The following TSPAN18 variants were observed in gnomAD, a reference collection of about 807,000 sequenced individuals.
The protein encoded by TSPAN18 is tetraspanin 18.
In TSPAN18, 14 loss-of-function variants were observed where a neutral mutation model predicts 27.3. That is an observed-to-expected ratio of 0.51 (90% CI 0.34 to 0.80). The LOEUF (loss-of-function observed/expected upper bound fraction) is 0.80. TSPAN18 is among the 30% of genes least tolerant of loss of function. TSPAN18 has a pLI of 0.01. For missense variants in TSPAN18, 268 were observed against 323.9 expected (o/e 0.83, Z 1.32); for synonymous variants, 143 against 136.5 (o/e 1.05, Z -0.33).
chr11:44,928,882 T>C lies in TSPAN18; in HGVS notation c.700-249T>C, dbSNP rs551328016. 5.4e-4 allele frequency among the ~76,000 whole-genome samples: 82 copies of C among 152,206 alleles called. 3 individuals carry two copies. In the South Asian group the frequency reaches 0.016, roughly 30 times the overall value. ...GTGCTTTGCCTAAGGACAACCCTGC[T>C]ATGTCAGGGAGCTGGATTTGAACCC... On this transcript the variant is annotated intron_variant, in intron 9 of 9. Transcript: ENST00000520358.
intron 1 of TSPAN18, among the ~76,000 whole-genome samples, chr11:44,736,883 G>A (rs1406970223): frequency 1.3e-5 from 2 of 152,164 alleles, no homozygotes; most frequent in South Asian, 4.1e-4. Flanking sequence ...GTATCTCTTG[G>A]GATGGAATGT....
intron 2 of TSPAN18, among the ~76,000 whole-genome samples, chr11:44,834,674 C>A (rs746523843): frequency 2.8e-4 from 42 of 148,390 alleles, no homozygotes; most frequent in Non-Finnish European, 6.3e-4. Context: ...TCAGCTGTAA[C>A]CTGGTCATGT....
intron 3 of TSPAN18, among the ~76,000 whole-genome samples, chr11:44,878,218 C>T (rs1454389851): frequency 1.3e-5 from 2 of 152,088 alleles, no homozygotes; most frequent in Non-Finnish European, 2.9e-5. Context: ...CAAACCATTA[C>T]GTGTTCCAAT....
chr11:44,858,027 C>A (rs1857782425), intron 2 of TSPAN18, among the ~76,000 whole-genome samples: 1 of 152,244 alleles, frequency 6.6e-6, no homozygotes, highest in Non-Finnish European at 1.5e-5. Context: ...CAAATCCAGT[C>A]TATTTCACAG....
chr11:44,905,097 G>A (rs1859406189), intron 3 of TSPAN18, among the ~76,000 whole-genome samples: 1 of 152,126 alleles, frequency 6.6e-6, no homozygotes, highest in African/African-American at 2.4e-5. Context: ...AATTGTATAT[G>A]TTTATGGAGT....
intron 2 of TSPAN18, among the ~76,000 whole-genome samples, chr11:44,811,370 C>T (rs746165181): frequency 2.8e-4 from 43 of 152,106 alleles, no homozygotes; most frequent in Non-Finnish European, 5.4e-4. Context: ...AAGGCACACT[C>T]TACAATTAGC....
Position 44,898,143 on chromosome 11 carries a change from ACATG to A in TSPAN18, c.-10-8260_-10-8257del, listed in dbSNP as rs535875830. Among the ~76,000 whole-genome samples the A allele has an allele frequency of 2.6e-5, 4 of 152,354 alleles. No homozygotes were observed. The South Asian group carries it at 8.3e-4, about 32-fold the overall frequency. On this transcript the variant is annotated intron_variant, in intron 3 of 9. Transcript: ENST00000520358. ...CAAAACAAGTCCATGCCTTTATGAAACATGCATTCTAATAAAGGCAGATGCATGC... is the reference window on the plus strand; with the variant it reads ...CAAAACAAGTCCATGCCTTTATGAAACATTCTAATAAAGGCAGATGCATGC...
chr11:44,804,312 C>T (rs1313477173), intron 2 of TSPAN18, among the ~76,000 whole-genome samples: 1 of 152,334 alleles, frequency 6.6e-6, no homozygotes, highest in Admixed American at 6.5e-5. Flanking sequence ...AGGCCGGTCT[C>T]GAACTCCTGA....
At chr11:44,874,393 G>A (rs1858274559) in intron 3 of TSPAN18, among the ~76,000 whole-genome samples, 1 of 152,184 alleles carries the variant, frequency 6.6e-6, no homozygotes, top group South Asian at 2.1e-4. Flanking sequence ...CCTTGGAAGA[G>A]CCAGAATGAT....
At chr11:44,728,034 C>T (rs577989671) in intron 1 of TSPAN18, among the ~76,000 whole-genome samples, 10 of 152,350 alleles carry the variant, frequency 6.6e-5, no homozygotes, top group African/African-American at 2.2e-4. Context: ...TGCCCCGGCC[C>T]TCGCCAGCAG....
intron 2 of TSPAN18, among the ~76,000 whole-genome samples, chr11:44,809,322 C>G (rs1264307519): frequency 6.6e-6 from 1 of 152,156 alleles, no homozygotes; most frequent in Non-Finnish European, 1.5e-5. Context: ...CGAGAGGTCT[C>G]TGAAGCTGGG....
At chr11:44,732,447 C>T (rs949333292) in intron 1 of TSPAN18, among the ~76,000 whole-genome samples, 1 of 152,184 alleles carries the variant, frequency 6.6e-6, no homozygotes, top group Non-Finnish European at 1.5e-5. Flanking sequence ...TTCTCTTATC[C>T]TGTGTGCTAA....
chr11:44,927,573 A>G (rs944256023), intron 9 of TSPAN18, among the ~76,000 whole-genome samples: 2 of 152,194 alleles, frequency 1.3e-5, no homozygotes, highest in South Asian at 2.1e-4. Flanking sequence ...CGTGGAGGCT[A>G]CTGCAGATGG....
intron 1 of TSPAN18, among the ~76,000 whole-genome samples, chr11:44,744,802 TC>T (rs1345986040): frequency 6.6e-6 from 1 of 152,134 alleles, no homozygotes; most frequent in Non-Finnish European, 1.5e-5. Context: ...AGCAAGGACT[TC>T]CAAAGAGCAG....
At chr11:44,894,085 C>T (rs950875484) in intron 3 of TSPAN18, among the ~76,000 whole-genome samples, 11 of 152,192 alleles carry the variant, frequency 7.2e-5, no homozygotes, top group African/African-American at 2.2e-4. Context: ...CTGTTGGTGC[C>T]GGGAGCGCAG....
chr11:44,906,325 C>A, intron 3 of TSPAN18, 82 bp from the exon 4 acceptor site: 2 of 1,264,198 alleles, frequency 1.6e-6, no homozygotes, highest in Non-Finnish European at 1.2e-6. Context: ...GGGCTGGCTG[C>A]GGGGAACCCC....
chr11:44,743,044 T>C (rs961175769), intron 1 of TSPAN18, among the ~76,000 whole-genome samples: 1 of 152,202 alleles, frequency 6.6e-6, no homozygotes, highest in African/African-American at 2.4e-5. Context: ...AATATCCTTC[T>C]AAGAGTCCTC....
intron 2 of TSPAN18, among the ~76,000 whole-genome samples, chr11:44,813,626 G>A (rs117932099): frequency 6.6e-6 from 1 of 152,312 alleles, no homozygotes; most frequent in Non-Finnish European, 1.5e-5. Flanking sequence ...GTGACCTTGA[G>A]TAAGACACTT....
intron 3 of TSPAN18, among the ~76,000 whole-genome samples, chr11:44,893,898 C>G (rs1858942253): frequency 6.6e-6 from 1 of 152,230 alleles, no homozygotes; most frequent in Non-Finnish European, 1.5e-5. Context: ...CTCACCCTGG[C>G]AGTCAGGGTT....
Sources: gnomAD v4.1 joint callset for allele counts (sites outside exome capture counted in the v4.1 genomes callset) on GRCh38, gnomAD v4.1.1 for gene constraint, MANE v1.5 for transcripts, NCBI Gene and HGNC (gene_info 2026-07-23, HGNC 2026-07-21) for gene names.